ARHGEF3: variants seen among roughly 807,000 people sequenced by gnomAD.
ARHGEF3 encodes Rho guanine nucleotide exchange factor 3.
ARHGEF3 carries 28 observed loss-of-function variants against 63.2 expected under a neutral mutation model. The ratio of observed to expected loss-of-function variants is 0.44; its 90% confidence interval spans 0.33 to 0.61. The LOEUF (loss-of-function observed/expected upper bound fraction) is 0.61. Among genes scored for constraint, ARHGEF3 ranks in the 20% least tolerant of loss-of-function variants. The pLI, the probability that ARHGEF3 is intolerant of heterozygous loss-of-function variation, is 0.03. For missense variants in ARHGEF3, 533 were observed against 659.3 expected (o/e 0.81, Z 2.10); for synonymous variants, 266 against 254.2 (o/e 1.05, Z -0.44).
At chr3:57,034,259 G>C in intron 2 of ARHGEF3, among the ~76,000 whole-genome samples, 1 of 149,790 alleles carries the variant, frequency 6.7e-6, no homozygotes, top group Non-Finnish European at 1.5e-5. Flanking sequence ...TCAGCCTCCT[G>C]AGGAGCTGGG....
chr3:56,745,276 G>A lies in ARHGEF3; in HGVS notation c.799C>T (p.Pro267Ser), dbSNP rs546550013. The A allele has an allele frequency of 6.2e-7, 1 of 1,613,952 alleles. No individual in the cohort carries two copies. The highest frequency in any genetic ancestry group is 1.3e-5 in the African/African-American group (1 of 74,968). Residue 267 changes from proline to serine, a missense_variant, in exon 7 of 10, where the codon CCT becomes TCT. This residue lies in a region of ARHGEF3 where 107 missense variants were observed against 207.9 expected (regional missense o/e 0.51). Transcript: ENST00000296315. ...CTCAAGATTTCTCGGAGAAGCAGAGGGTATTTTACCAGGCGGCTTCTTGGA... is the reference window on the plus strand; with the variant it reads ...CTCAAGATTTCTCGGAGAAGCAGAGAGTATTTTACCAGGCGGCTTCTTGGA... ...DIPRSRLVKY[P>S]LLLREILRHT...
rs917178119 is a variant in ARHGEF3, at chr3:56,801,680, C to T, written c.96+23G>A. Reference sequence around the variant, plus strand: ...AGACAGGCAGATGACCCATAGAGGTCCAGGTGCAGGGCGCGGCCCTACCTC... The same window carrying T: ...AGACAGGCAGATGACCCATAGAGGTTCAGGTGCAGGGCGCGGCCCTACCTC... On this transcript the variant is annotated intron_variant, in intron 1 of 9. Coordinates refer to ENST00000296315, the MANE Select transcript of ARHGEF3 (RefSeq NM_019555.3). 3.9e-6 allele frequency: 6 copies of T among 1,552,100 alleles called. No individual in the cohort carries two copies. In the African/African-American group the frequency reaches 8.2e-5, roughly 21 times the overall value.
chr3:56,987,444 T>A (rs932546725), intron 2 of ARHGEF3, among the ~76,000 whole-genome samples: 3 of 150,180 alleles, frequency 2.0e-5, no homozygotes, highest in African/African-American at 7.4e-5. Flanking sequence ...TGAGCAGGAG[T>A]AGGAGGGAAG....
At chr3:57,010,472 A>C (rs1702651733) in intron 2 of ARHGEF3, among the ~76,000 whole-genome samples, 1 of 151,874 alleles carries the variant, frequency 6.6e-6, no homozygotes, top group Non-Finnish European at 1.5e-5. Context: ...AAAAAAAAAA[A>C]AACCCACAGT....
At chr3:56,757,363 A>C (rs1442910641) in intron 2 of ARHGEF3, among the ~76,000 whole-genome samples, 23 of 152,032 alleles carry the variant, frequency 1.5e-4, no homozygotes, top group Admixed American at 1.4e-3. Flanking sequence ...AATCCCAGCT[A>C]CTCAGGAGGC....
intron 3 of ARHGEF3, chr3:56,958,745 C>A: frequency 1.4e-6 from 2 of 1,434,278 alleles, no homozygotes; most frequent in Non-Finnish European, 1.9e-6. Flanking sequence ...CCAACCCTAA[C>A]AGCGTCCGTT....
At chr3:56,886,282 C>A (rs2040922880) in intron 3 of ARHGEF3, among the ~76,000 whole-genome samples, 1 of 152,208 alleles carries the variant, frequency 6.6e-6, no homozygotes, top group Non-Finnish European at 1.5e-5. Flanking sequence ...GGTACACAGC[C>A]AGCTTCCCTT....
intron 3 of ARHGEF3, among the ~76,000 whole-genome samples, chr3:56,917,335 A>G (rs1218380295): frequency 6.6e-6 from 1 of 152,164 alleles, no homozygotes. Context: ...ATGGGGTAGT[A>G]TTTGACTTGC....
chr3:56,788,538 C>A (rs984167817), intron 1 of ARHGEF3, among the ~76,000 whole-genome samples: 1 of 152,142 alleles, frequency 6.6e-6, no homozygotes, highest in South Asian at 2.1e-4. Flanking sequence ...TATGGAGTTT[C>A]CCTACATTTC....
At chr3:57,025,726 T>C (rs913918159) in intron 2 of ARHGEF3, among the ~76,000 whole-genome samples, 32 of 152,190 alleles carry the variant, frequency 2.1e-4, no homozygotes, top group Non-Finnish European at 1.8e-4. Flanking sequence ...GAAAAACCTA[T>C]GCCAGACTGC....
At chr3:56,851,912 C>T (rs112286580) in intron 4 of ARHGEF3, among the ~76,000 whole-genome samples, 33 of 152,262 alleles carry the variant, frequency 2.2e-4, no homozygotes, top group African/African-American at 7.0e-4. Context: ...CCTGGTCTTA[C>T]GAACTTTACT....
chr3:56,751,027 C>G (rs778611683), intron 6 of ARHGEF3, 29 bp downstream of exon 6: 1 of 1,544,806 alleles, frequency 6.5e-7, no homozygotes, highest in Non-Finnish European at 8.8e-7. Context: ...TGAAATTTAT[C>G]TTCAATAAAG....
chr3:56,858,931 A>C (rs999624451), intron 4 of ARHGEF3, among the ~76,000 whole-genome samples: 14 of 152,190 alleles, frequency 9.2e-5, no homozygotes, highest in Non-Finnish European at 1.8e-4. Context: ...TATACTTCCT[A>C]GGCAGCCTGC....
At chr3:56,881,329 G>T (rs2040758456) in intron 4 of ARHGEF3, among the ~76,000 whole-genome samples, 1 of 152,118 alleles carries the variant, frequency 6.6e-6, no homozygotes. Context: ...AGCGAGCACG[G>T]CCTAATGTTA....
intron 1 of ARHGEF3, chr3:57,075,383 A>T (rs955639564): frequency 6.0e-6 from 1 of 167,116 alleles, no homozygotes; most frequent in Non-Finnish European, 1.5e-5. Context: ...TGCCTCGCAC[A>T]GAGTAGCCCT....
chr3:56,967,673 CTTA>C lies in ARHGEF3; in HGVS notation c.63-8787_63-8785del, dbSNP rs1467784611. ...TATAAAATAGCTATTATATATAATA[CTTA>C]TTATATTATATATAACATAATAAAC... On this transcript the variant is annotated intron_variant, in intron 2 of 12. Coordinates refer to the ARHGEF3 transcript ENST00000338458. Among the ~76,000 whole-genome samples the C allele has an allele frequency of 6.1e-3, 419 of 68,176 alleles. 7 individuals are homozygous for C. Among genetic ancestry groups the C allele is most frequent in the African/African-American group, 0.021 (356 of 17,120 alleles). 44.7% of individuals were successfully genotyped at this position (68,176 alleles called of 152,430 possible).
chr3:56,942,581 C>T (rs1241385526), intron 3 of ARHGEF3, among the ~76,000 whole-genome samples: 1 of 152,118 alleles, frequency 6.6e-6, no homozygotes, highest in Non-Finnish European at 1.5e-5. Context: ...TTCAATAACC[C>T]TAGAATGGTC....
intron 2 of ARHGEF3, among the ~76,000 whole-genome samples, chr3:56,972,464 A>C (rs994005220): frequency 6.6e-6 from 1 of 152,122 alleles, no homozygotes; most frequent in African/African-American, 2.4e-5. Context: ...AGAGGAAAAA[A>C]TATAGTTCCT....
intron 2 of ARHGEF3, among the ~76,000 whole-genome samples, chr3:57,003,401 C>CAAAAAAAA (rs60214570): frequency 0.034 from 1,499 of 43,660 alleles, 119 homozygotes; most frequent in East Asian, 0.085. Context: ...GACGCCGTCT[C>CAAAAAAAA]AAAAAAAAAA....
Sources: allele counts gnomAD v4.1 joint callset (sites outside exome capture counted in the v4.1 genomes callset), GRCh38; gene constraint gnomAD v4.1.1; regional missense constraint gnomAD v4.1.1; transcripts MANE v1.5; gene names NCBI Gene and HGNC (gene_info 2026-07-23, HGNC 2026-07-21).